The following PKP4 variants were observed in gnomAD, a reference collection of about 807,000 sequenced individuals.
The protein encoded by PKP4 is plakophilin-4.
In PKP4, 90 loss-of-function variants were observed where a neutral mutation model predicts 145.1. That is an observed-to-expected ratio of 0.62 (90% CI 0.52 to 0.74). PKP4 has a LOEUF of 0.74. PKP4 is among the 30% of genes least tolerant of loss of function. The pLI is 0.00. For missense variants in PKP4, 1,340 were observed against 1,482.7 expected (o/e 0.90, Z 1.58); for synonymous variants, 563 against 577.2 (o/e 0.98, Z 0.35).
intron 1 of PKP4, among the ~76,000 whole-genome samples, chr2:158,506,454 T>C (rs2040985949): frequency 6.6e-6 from 1 of 152,240 alleles, no homozygotes; most frequent in Non-Finnish European, 1.5e-5. Flanking sequence ...TTGAAGCTGC[T>C]GTTTTCATTA....
At chr2:158,643,724 A>AAAAG (rs1553469875) in intron 11 of PKP4, among the ~76,000 whole-genome samples, 66 of 44,652 alleles carry the variant, frequency 1.5e-3, no homozygotes, top group East Asian at 9.6e-3. Flanking sequence ...AAAAAAAAAA[A>AAAAG]AAAAGAAAAG....
intron 1 of PKP4, among the ~76,000 whole-genome samples, chr2:158,513,048 G>A (rs974268051): frequency 7.2e-5 from 11 of 152,050 alleles, no homozygotes. Context: ...ACTTCTCTGG[G>A]GAGGGCAGGA....
At chr2:158,467,139 A>G (rs1690750624) in intron 1 of PKP4, among the ~76,000 whole-genome samples, 1 of 152,218 alleles carries the variant, frequency 6.6e-6, no homozygotes, top group African/African-American at 2.4e-5. Context: ...AAATATTCTT[A>G]TACATTTTGG....
intron 2 of PKP4, among the ~76,000 whole-genome samples, chr2:158,574,759 A>G (rs2047702182): frequency 6.6e-6 from 1 of 152,172 alleles, no homozygotes; most frequent in Admixed American, 6.5e-5. Flanking sequence ...TGGGCACGTA[A>G]TAGGTTGAAT....
intron 2 of PKP4, among the ~76,000 whole-genome samples, chr2:158,554,379 GTCCTTCAGT>G (rs1207016998): frequency 3.3e-5 from 5 of 151,096 alleles, no homozygotes; most frequent in African/African-American, 4.9e-5. Flanking sequence ...ACAAACTCCT[GTCCTTCAGT>G]TCACTTTCTT....
At chr2:158,472,008 A>G (rs576718570) in intron 1 of PKP4, among the ~76,000 whole-genome samples, 2 of 152,348 alleles carry the variant, frequency 1.3e-5, no homozygotes, top group East Asian at 3.9e-4. Context: ...AGCTTAGCAC[A>G]GAACTGAAAG....
At position 158,676,682 on chromosome 2, in the gene PKP4, C is replaced by G. The variant is rs898874121; in HGVS notation, c.3128-57C>G. ...TTCTGGAGAGGATTTTCCACAGATA[C>G]TGATGCTGATTTCTCTTTCTACCCC... On this transcript the variant is annotated intron_variant, in intron 19 of 21. Transcript: ENST00000389759. The G allele has an allele frequency of 8.1e-6, 13 of 1,604,242 alleles. No homozygotes were observed. In the African/African-American group the frequency reaches 1.5e-4, roughly 18 times the overall value.
intron 1 of PKP4, among the ~76,000 whole-genome samples, chr2:158,503,068 G>A (rs147344757): frequency 0.013 from 2,016 of 152,286 alleles, 28 homozygotes; most frequent in Middle Eastern, 0.027. Flanking sequence ...CCTCCCCTTG[G>A]AGGAATTCTT....
intron 1 of PKP4, among the ~76,000 whole-genome samples, chr2:158,496,394 G>T (rs1695717513): frequency 6.6e-6 from 1 of 152,174 alleles, no homozygotes; most frequent in African/African-American, 2.4e-5. Flanking sequence ...GGCCTTGGCT[G>T]TAAGGATTGA....
chr2:158,654,699 C>T (rs747031481), intron 11 of PKP4, among the ~76,000 whole-genome samples: 1 of 152,206 alleles, frequency 6.6e-6, no homozygotes, highest in Non-Finnish European at 1.5e-5. Flanking sequence ...TAGAGATCCT[C>T]TCCCCCAGTT....
At chr2:158,481,864 C>T (rs1224728065) in intron 1 of PKP4, among the ~76,000 whole-genome samples, 2 of 152,098 alleles carry the variant, frequency 1.3e-5, no homozygotes, top group Non-Finnish European at 2.9e-5. Context: ...ATAAGCAAAA[C>T]TGGTTTATAC....
chr2:158,560,967 G>T (rs1254005781), intron 2 of PKP4, among the ~76,000 whole-genome samples: 1 of 152,226 alleles, frequency 6.6e-6, no homozygotes. Context: ...CTTACAAGTT[G>T]TTAAACTACA....
At chr2:158,519,543 G>A (rs2042189374) in intron 1 of PKP4, among the ~76,000 whole-genome samples, 1 of 152,146 alleles carries the variant, frequency 6.6e-6, no homozygotes, top group South Asian at 2.1e-4. Flanking sequence ...CCTCAAGTCT[G>A]GGATATACCA....
At chr2:158,674,062 C>A in intron 19 of PKP4, 62 bp downstream of exon 19, 1 of 925,840 alleles carries the variant, frequency 1.1e-6, no homozygotes, top group South Asian at 1.3e-5. Context: ...TGTTCCCCAG[C>A]CAGAGAAGAT....
chr2:158,656,044 G>GT (rs1288290935), intron 11 of PKP4, among the ~76,000 whole-genome samples: 1 of 152,188 alleles, frequency 6.6e-6, no homozygotes, highest in African/African-American at 2.4e-5. Context: ...TTCTGTGGTC[G>GT]TCAGGCTTAT....
At chr2:158,644,369 A>G (rs1251293518) in intron 11 of PKP4, among the ~76,000 whole-genome samples, 1 of 152,116 alleles carries the variant, frequency 6.6e-6, no homozygotes, top group Non-Finnish European at 1.5e-5. Context: ...TAATGCCTGG[A>G]TGTTGCAGTG....
intron 3 of PKP4, chr2:158,578,189 CA>C (rs1222943779): frequency 5.3e-5 from 13 of 244,300 alleles, no homozygotes; most frequent in East Asian, 1.6e-4. Context: ...TACTCATGGG[CA>C]AAAAAACTTC....
intron 4 of PKP4, among the ~76,000 whole-genome samples, chr2:158,607,233 C>T (rs1478174722): frequency 6.6e-6 from 1 of 152,070 alleles, no homozygotes; most frequent in Non-Finnish European, 1.5e-5. Context: ...TTCTAATTAT[C>T]TAGAGAATAT....
intron 12 of PKP4, chr2:158,658,767 A>C (rs796143090): frequency 1.3e-5 from 2 of 158,160 alleles, no homozygotes; most frequent in African/African-American, 4.8e-5. Context: ...TTTTTTAGTC[A>C]TTATCTTTTA....
Sources: gnomAD v4.1 joint callset for allele counts (sites outside exome capture counted in the v4.1 genomes callset) on GRCh38, gnomAD v4.1.1 for gene constraint, MANE v1.5 for transcripts, NCBI Gene and HGNC (gene_info 2026-07-23, HGNC 2026-07-21) for gene names.